Variants in POLE2 observed in about 807,000 individuals in gnomAD.
POLE2 encodes DNA polymerase epsilon subunit 2.
Under a neutral mutation model 79.4 loss-of-function variants are expected in POLE2, and 56 were observed. The ratio of observed to expected loss-of-function variants is 0.71; its 90% confidence interval spans 0.57 to 0.88. The LOEUF (loss-of-function observed/expected upper bound fraction) is 0.88. Among genes scored for constraint, POLE2 ranks in the 40% least tolerant of loss-of-function variants. The pLI, the probability that POLE2 is intolerant of heterozygous loss-of-function variation, is 0.00. For missense variants in POLE2, 598 were observed against 638.9 expected (o/e 0.94, Z 0.69); for synonymous variants, 212 against 214.0 (o/e 0.99, Z 0.08).
At chr14:49,645,401 A>C (rs1883692551) in intron 18 of POLE2, among the ~76,000 whole-genome samples, 1 of 152,254 alleles carries the variant, frequency 6.6e-6, no homozygotes, top group Non-Finnish European at 1.5e-5. Context: ...TTCTTAGGAG[A>C]AACTAAGTGG....
chr14:49,672,655 A>G (rs1301686430), intron 5 of POLE2, among the ~76,000 whole-genome samples: 2 of 151,986 alleles, frequency 1.3e-5, no homozygotes, highest in Admixed American at 6.6e-5. Context: ...ATGTGCCACC[A>G]TGCCTGACTA....
At chr14:49,652,507 G>A (rs569993777) in intron 15 of POLE2, among the ~76,000 whole-genome samples, 172 of 152,212 alleles carry the variant, frequency 1.1e-3, no homozygotes, top group Non-Finnish European at 2.0e-3. Flanking sequence ...AGCTTCATCT[G>A]TATTTACAGC....
At chr14:49,679,212 T>C (rs1443356213) in intron 3 of POLE2, among the ~76,000 whole-genome samples, 1 of 152,090 alleles carries the variant, frequency 6.6e-6, no homozygotes, top group Non-Finnish European at 1.5e-5. Context: ...AAGTATCATA[T>C]CAAGAGGAAA....
At chr14:49,674,315 G>A in intron 4 of POLE2, 35 bp downstream of exon 4, 1 of 1,498,944 alleles carries the variant, frequency 6.7e-7, no homozygotes, top group Non-Finnish European at 9.3e-7. Context: ...AAGTACATTT[G>A]AAATTAATTT....
chr14:49,650,026 A>G (rs764589959), intron 17 of POLE2: 23 of 241,534 alleles, frequency 9.5e-5, no homozygotes, highest in Non-Finnish European at 1.6e-4. Context: ...ATGTTTTGGT[A>G]TGCTTGTGGG....
At chr14:49,647,254 G>C (rs1278988745) in intron 18 of POLE2, 39 bp downstream of exon 18, 3 of 1,079,366 alleles carry the variant, frequency 2.8e-6, no homozygotes, top group Non-Finnish European at 4.1e-6. Flanking sequence ...TTAACACCTA[G>C]AGAAAGATCT....
chr14:49,687,997 C>T lies in POLE2; in HGVS notation c.68+139G>A, dbSNP rs577106116. On this transcript the variant is annotated intron_variant, in intron 1 of 18. Transcript: ENST00000216367. ...ACAAGCGTGAGCCACCGCGCCCGAC[C>T]GCTTCTTAGAACTCTGAAATTTAAG... 17 of 686,640 alleles carry T rather than the reference C, an allele frequency of 2.5e-5. No individual in the cohort carries two copies. The African/African-American group carries it at 3.0e-4, about 12-fold the overall frequency. The allele number at this position is 686,640 out of a possible 1,614,324, so 42.5% of individuals were successfully genotyped here.
At chr14:49,666,148 T>C (rs1333077648) in intron 7 of POLE2, among the ~76,000 whole-genome samples, 182 bp downstream of exon 7, 2 of 152,168 alleles carry the variant, frequency 1.3e-5, no homozygotes, top group African/African-American at 2.4e-5. Flanking sequence ...TTTATCCTTG[T>C]TCCAAGGCTT....
intron 1 of POLE2, among the ~76,000 whole-genome samples, 153 bp downstream of exon 1, chr14:49,687,983 C>A (rs560225593): frequency 6.6e-6 from 1 of 152,326 alleles, no homozygotes; most frequent in East Asian, 1.9e-4. Context: ...CAAGCGTGAG[C>A]CACCGCGCCC....
intron 18 of POLE2, among the ~76,000 whole-genome samples, chr14:49,644,178 G>A (rs11851450): frequency 0.23 from 34,051 of 148,400 alleles, 4,182 homozygotes; most frequent in Admixed American, 0.3. Context: ...CACCGCGCCC[G>A]GCCAACAACT....
In POLE2 at chr14:49,655,786, A is replaced by C; in HGVS notation, c.813T>G (p.Thr271=). ...FGGPSNTSVK[T]SAKLKQLEEE... is the part of the protein sequence containing the mutation. Reference sequence around the variant, plus strand: ...CTTCTAGCTGTTTTAGTTTTGCAGAAGTCTTCACAGATGTATTAGAAGGAC... The same window carrying C: ...CTTCTAGCTGTTTTAGTTTTGCAGACGTCTTCACAGATGTATTAGAAGGAC... Residue 271 remains threonine (T), a synonymous_variant, in exon 11 of 19, where the codon ACT becomes ACG. Coordinates refer to ENST00000216367, the MANE Select transcript of POLE2 (RefSeq NM_002692.4). 6.2e-7 allele frequency: 1 copy of C among 1,602,968 alleles called. No homozygotes were observed. The highest frequency in any genetic ancestry group is 1.7e-5 in the Admixed American group (1 of 59,576).
rs2139623012 is a variant in POLE2, at chr14:49,654,993, G to T, written c.1018+12C>A. On this transcript the variant is annotated intron_variant, in intron 12 of 18. Transcript: ENST00000216367. ...CTATAGAAACACTTCTTATTAAATA[G>T]ATCGTTAATACCTTTCAAAGCTTGA... is the stretch of plus-strand genomic sequence containing the variant. 2 of 1,495,770 alleles carry T rather than the reference G, an allele frequency of 1.3e-6. No homozygotes were observed. The highest frequency in any genetic ancestry group is 2.4e-5 in the East Asian group (1 of 41,654). 92.7% of individuals were successfully genotyped at this position (1,495,770 alleles called of 1,614,324 possible).
chr14:49,664,691 G>T lies in POLE2; in HGVS notation c.634-17C>A, dbSNP rs775376287. The T allele has an allele frequency of 6.6e-7, 1 of 1,518,828 alleles. No individual in the cohort carries two copies. Among genetic ancestry groups the T allele is most frequent in the South Asian group, 1.1e-5 (1 of 88,454 alleles). The allele number at this position is 1,518,828 out of a possible 1,614,324, so 94.1% of individuals were successfully genotyped here. A position where few individuals can be genotyped will look rare whatever the true frequency, so the allele number is the denominator to read the frequency against. On this transcript the variant is annotated splice_polypyrimidine_tract_variant and intron_variant, in intron 8 of 18. Coordinates refer to ENST00000216367, the MANE Select transcript of POLE2 (RefSeq NM_002692.4). ...ATGGAACTGGTACACAACAGTTGAGGAAAATAATTCTATTCTTGAGGCAGT... is the reference window on the plus strand; with the variant it reads ...ATGGAACTGGTACACAACAGTTGAGTAAAATAATTCTATTCTTGAGGCAGT...
intron 17 of POLE2, among the ~76,000 whole-genome samples, chr14:49,648,001 T>C (rs570679003): frequency 5.1e-4 from 77 of 152,304 alleles, no homozygotes; most frequent in Middle Eastern, 6.8e-3. Context: ...ATAAACAGAC[T>C]GTGTAACGCC....
At chr14:49,672,906 C>A (rs1336834402) in intron 5 of POLE2, among the ~76,000 whole-genome samples, 2 of 152,190 alleles carry the variant, frequency 1.3e-5, no homozygotes, top group African/African-American at 2.4e-5. Context: ...TACCAACTCT[C>A]TTTCCATAGC....
chr14:49,651,413 G>GA (rs1451784657), intron 15 of POLE2, 36 bp from the exon 16 acceptor site: 3 of 863,890 alleles, frequency 3.5e-6, no homozygotes, highest in African/African-American at 1.7e-5. Context: ...TGACTTCTCA[G>GA]AAAAAAATGA....
intron 3 of POLE2, among the ~76,000 whole-genome samples, chr14:49,676,044 G>C (rs534920179): frequency 6.6e-6 from 1 of 152,064 alleles, no homozygotes; most frequent in Non-Finnish European, 1.5e-5. Flanking sequence ...GAGCCACCGC[G>C]CCCTGCCAAA....
In POLE2 at chr14:49,683,660, C is replaced by T. The variant is rs140944180; in HGVS notation, c.102G>A (p.Gln34=). The change falls in exon 2 of 19, where the codon CAG becomes CAA. Residue 34 remains glutamine (Q), a synonymous_variant. Coordinates refer to ENST00000216367, the MANE Select transcript of POLE2 (RefSeq NM_002692.4). The part of the protein sequence containing the change: ...EAIKYLTEAL[Q]SISELELEDK... ...CTTCAAGCTCTAATTCACTGATAGA[C>T]TGAAGAGCTTCTGTGAGGTACTTAA... is the stretch of plus-strand genomic sequence containing the variant. 1.3e-6 allele frequency: 2 copies of T among 1,592,436 alleles called. 1 individual carries two copies. Among genetic ancestry groups the T allele is most frequent in the East Asian group, 4.5e-5 (2 of 44,718 alleles).
chr14:49,654,965 T>A, intron 12 of POLE2, 40 bp downstream of exon 12: 1 of 1,413,850 alleles, frequency 7.1e-7, no homozygotes, highest in Non-Finnish European at 9.5e-7. Flanking sequence ...TTAGTTTATA[T>A]GACTATAGAA....
Sources: allele counts gnomAD v4.1 joint callset (sites outside exome capture counted in the v4.1 genomes callset), GRCh38; gene constraint gnomAD v4.1.1; transcripts MANE v1.5; gene names NCBI Gene and HGNC (gene_info 2026-07-23, HGNC 2026-07-21).